Variants in OR4F3 observed in about 807,000 individuals in gnomAD.
OR4F3 encodes the protein olfactory receptor 4F3/4F16/4F29.
At chr5:181,361,043 C>A in the OR4F3 span, among the ~76,000 whole-genome samples, 10 of 116,728 alleles carry the variant, frequency 8.6e-5, no homozygotes, top group African/African-American at 4.0e-5. Context: ...TTAAAATACA[C>A]GTGATTATTT....
chr5:181,354,453 A>G, the OR4F3 span, among the ~76,000 whole-genome samples: 3 of 131,660 alleles, frequency 2.3e-5, no homozygotes, highest in East Asian at 6.0e-4. Context: ...AAATGCCTGG[A>G]TCTCCAGACA....
the OR4F3 span, among the ~76,000 whole-genome samples, chr5:181,356,588 C>G: frequency 1.5e-5 from 2 of 134,166 alleles, no homozygotes; most frequent in Non-Finnish European, 3.2e-5. Flanking sequence ...AGGCCCCACT[C>G]TGGCCTCGCG....
the OR4F3 span, among the ~76,000 whole-genome samples, chr5:181,358,450 T>C: frequency 8.0e-6 from 1 of 125,016 alleles, no homozygotes; most frequent in Non-Finnish European, 1.7e-5. Context: ...TCCTAGGCTA[T>C]AGGATTGACT....
the OR4F3 span, among the ~76,000 whole-genome samples, chr5:181,356,593 C>T: frequency 7.4e-6 from 1 of 134,276 alleles, no homozygotes; most frequent in Non-Finnish European, 1.6e-5. Context: ...CCACTCTGGC[C>T]TCGCGGAGCA....
the OR4F3 span, among the ~76,000 whole-genome samples, chr5:181,360,962 T>C: frequency 1.8e-4 from 22 of 118,958 alleles, no homozygotes; most frequent in East Asian, 2.8e-3. Context: ...ATGTTGAATT[T>C]GTACTTTTCC....
the OR4F3 span, among the ~76,000 whole-genome samples, chr5:181,357,136 C>T: frequency 1.5e-5 from 2 of 134,702 alleles, no homozygotes; most frequent in Admixed American, 1.4e-4. Flanking sequence ...TCCTCTCCCA[C>T]CTTCGTCATC....
chr5:181,359,124 T>A, the OR4F3 span, among the ~76,000 whole-genome samples: 8 of 129,158 alleles, frequency 6.2e-5, 2 homozygotes, highest in Non-Finnish European at 9.7e-5. Context: ...TTTAGGGAAG[T>A]TTGATGTAGG....
upstream of OR4F3, among the ~76,000 whole-genome samples, chr5:181,363,652 TA>T (rs1761089747): frequency 1.1e-5 from 1 of 87,048 alleles, no homozygotes; most frequent in Non-Finnish European, 2.0e-5. Context: ...CACACACTAG[TA>T]AAAATTTCAT....
At chr5:181,357,092 T>C in the OR4F3 span, among the ~76,000 whole-genome samples, 2 of 134,610 alleles carry the variant, frequency 1.5e-5, no homozygotes, top group African/African-American at 6.2e-5. Flanking sequence ...TTGACTCTTT[T>C]AATATAGTTC....
At chr5:181,357,068 A>G in the OR4F3 span, among the ~76,000 whole-genome samples, 1 of 134,110 alleles carries the variant, frequency 7.5e-6, no homozygotes, top group Non-Finnish European at 1.6e-5. Context: ...TGTTATTTCC[A>G]AGGGCGCTCT....
the OR4F3 span, among the ~76,000 whole-genome samples, chr5:181,353,996 CAG>C: frequency 6.9e-5 from 2 of 28,990 alleles, no homozygotes; most frequent in Non-Finnish European, 6.8e-5. Context: ...AACAGGAAAA[CAG>C]AGCATAAACG....
the OR4F3 span, among the ~76,000 whole-genome samples, chr5:181,361,227 AT>A: frequency 3.6e-5 from 3 of 84,392 alleles, no homozygotes; most frequent in East Asian, 5.0e-4. Flanking sequence ...CAGTATATCT[AT>A]TTCTGTTTCT....
the OR4F3 span, among the ~76,000 whole-genome samples, chr5:181,356,694 G>A: frequency 7.2e-6 from 1 of 138,092 alleles, no homozygotes. Flanking sequence ...CTTTCTTAGG[G>A]GAAACTTCTC....
upstream of OR4F3, among the ~76,000 whole-genome samples, chr5:181,362,560 T>G (rs539680448): frequency 1.0e-3 from 128 of 122,136 alleles, 3 homozygotes; most frequent in Admixed American, 1.9e-3. Context: ...GAAATATACT[T>G]AAGTGATTAA....
At chr5:181,357,500 G>C in the OR4F3 span, among the ~76,000 whole-genome samples, 1 of 87,794 alleles carries the variant, frequency 1.1e-5, no homozygotes, top group South Asian at 4.5e-4. Context: ...ATGTTGCCCA[G>C]GCTGGTCTTA....
the OR4F3 span, among the ~76,000 whole-genome samples, chr5:181,358,257 G>C: frequency 3.0e-4 from 39 of 129,924 alleles, 4 homozygotes; most frequent in Admixed American, 2.9e-3. Flanking sequence ...TTTTTATAAA[G>C]GTCATCATGT....
At chr5:181,362,576 A>C (rs543654966), upstream of OR4F3, among the ~76,000 whole-genome samples, 4 of 121,436 alleles carry the variant, frequency 3.3e-5, no homozygotes, top group South Asian at 1.0e-3. Flanking sequence ...ATTAAATCCA[A>C]GTGTAGACAT....
At chr5:181,358,329 T>C in the OR4F3 span, among the ~76,000 whole-genome samples, 1 of 132,384 alleles carries the variant, frequency 7.6e-6, no homozygotes, top group African/African-American at 3.2e-5. Context: ...TTGAATATTC[T>C]AGATACTTGT....
At chr5:181,363,837 C>T (rs1761091654), upstream of OR4F3, among the ~76,000 whole-genome samples, 3 of 88,338 alleles carry the variant, frequency 3.4e-5, 1 homozygote, top group Admixed American at 2.9e-4. Flanking sequence ...CTCTGTGAGT[C>T]CAAAAGGGCG....
Sources: allele counts gnomAD v4.1 joint callset (sites outside exome capture counted in the v4.1 genomes callset), GRCh38; gene constraint gnomAD v4.1.1; transcripts MANE v1.5; gene names NCBI Gene and HGNC (gene_info 2026-07-23, HGNC 2026-07-21).